Variants in EDARADD observed in about 807,000 individuals in gnomAD.
EDARADD encodes ectodysplasin-A receptor-associated adapter protein.
A neutral mutation model predicts 25.6 loss-of-function variants in EDARADD; 20 were observed. The observed-to-expected ratio is 0.78, with a 90% confidence interval of 0.55 to 1.14. The LOEUF (loss-of-function observed/expected upper bound fraction) is 1.14, where lower values mean the gene tolerates loss of function less well. Ranked by LOEUF, EDARADD falls within the 50% of genes most tolerant of loss-of-function variation. EDARADD has a pLI of 0.00. For synonymous variants in EDARADD, 86 were observed against 94.4 expected (o/e 0.91, Z 0.52); for missense variants, 225 against 270.1 (o/e 0.83, Z 1.17).
At chr1:236,381,975 CTTT>C (rs1463208113) in intron 3 of EDARADD, among the ~76,000 whole-genome samples, 1 of 151,560 alleles carries the variant, frequency 6.6e-6, no homozygotes, top group African/African-American at 2.4e-5. Context: ...TTATCCATGG[CTTT>C]GAGCAATATG....
At chr1:236,408,172 T>TCCAAA (rs1667771085) in intron 1 of EDARADD, among the ~76,000 whole-genome samples, 1 of 152,014 alleles carries the variant, frequency 6.6e-6, no homozygotes, top group Admixed American at 6.6e-5. Context: ...ATGGTGGGGT[T>TCCAAA]TTTTATGTAG....
chr1:236,360,030 T>C (rs600831), intron 3 of EDARADD, among the ~76,000 whole-genome samples: 52,903 of 152,006 alleles, frequency 0.35, 9,513 homozygotes, highest in African/African-American at 0.44. Flanking sequence ...ATTAAGACTG[T>C]GGGGCCAGGT....
At chr1:236,435,254 A>G (rs556375699) in intron 4 of EDARADD, among the ~76,000 whole-genome samples, 45 of 152,368 alleles carry the variant, frequency 3.0e-4, no homozygotes, top group Non-Finnish European at 5.9e-4. Flanking sequence ...AACTAGAGGA[A>G]TAGCCAGAGA....
chr1:236,396,619 C>T (rs1471716899), intron 1 of EDARADD, among the ~76,000 whole-genome samples: 2 of 151,962 alleles, frequency 1.3e-5, no homozygotes, highest in African/African-American at 2.4e-5. Flanking sequence ...GGTCAGAAGA[C>T]TACACCCAAC....
At chr1:236,351,007 T>G (rs1666909378) in intron 3 of EDARADD, among the ~76,000 whole-genome samples, 2 of 152,026 alleles carry the variant, frequency 1.3e-5, no homozygotes, top group East Asian at 1.9e-4. Flanking sequence ...CTCAAGGTAG[T>G]AGGTCCCTGC....
intron 4 of EDARADD, among the ~76,000 whole-genome samples, chr1:236,451,652 A>T (rs547080802): frequency 6.6e-6 from 1 of 152,166 alleles, no homozygotes; most frequent in African/African-American, 2.4e-5. Flanking sequence ...TGAACTCCTA[A>T]CCTCAAGTGA....
At chr1:236,454,657 C>T (rs1243851119) in intron 4 of EDARADD, among the ~76,000 whole-genome samples, 1 of 152,206 alleles carries the variant, frequency 6.6e-6, no homozygotes, top group African/African-American at 2.4e-5. Context: ...GTTCAGCCTC[C>T]TTGCTTTACA....
At chr1:236,372,898 T>G (rs1667187588) in intron 3 of EDARADD, among the ~76,000 whole-genome samples, 1 of 149,900 alleles carries the variant, frequency 6.7e-6, no homozygotes, top group African/African-American at 2.4e-5. Context: ...GGGATCATTG[T>G]GATGTCTCTT....
chr1:236,394,139 C>T (rs1012411641), upstream of EDARADD: 15 of 364,548 alleles, frequency 4.1e-5, no homozygotes, highest in East Asian at 7.3e-4. Context: ...GGGCTGCTAA[C>T]AAGCTCACTC....
Position 236,425,357 on chromosome 1 carries a change from AG to A in EDARADD, c.161-2032del, listed in dbSNP as rs1470500947. Among the ~76,000 whole-genome samples the A allele has an allele frequency of 5.9e-5, 9 of 152,288 alleles. No individual in the cohort carries two copies. The East Asian group carries it at 1.5e-3, about 26-fold the overall frequency. On this transcript the variant is annotated intron_variant, in intron 3 of 5. Transcript: ENST00000334232. ...TCAGGAGAACACATGGGCAGCAGCA[AG>A]GGAAGCAGCAGCTGAGGGGATGGGC...
At chr1:236,420,332 A>G (rs1435497153) in intron 3 of EDARADD, among the ~76,000 whole-genome samples, 1 of 152,258 alleles carries the variant, frequency 6.6e-6, no homozygotes, top group South Asian at 2.1e-4. Context: ...AAACATTTAC[A>G]TGGTGCTAAA....
intron 4 of EDARADD, among the ~76,000 whole-genome samples, chr1:236,451,614 G>A (rs561503038): frequency 6.5e-4 from 98 of 151,708 alleles, no homozygotes; most frequent in Non-Finnish European, 1.3e-3. Flanking sequence ...GTAGAGATGG[G>A]GTTTTGCCAT....
In EDARADD at chr1:236,484,644, G is replaced by A. The variant is rs759808244; in HGVS notation, c.*1995G>A. On this transcript the variant is annotated 3_prime_UTR_variant, in exon 6 of 6. Coordinates refer to ENST00000334232, the MANE Select transcript of EDARADD (RefSeq NM_145861.4). The surrounding 1 kb of genome is among the most constrained non-coding windows in gnomAD (Gnocchi z 4.1). The stretch of plus-strand genomic sequence containing the variant: ...TTCCTTAGAACTTCTACAGAAGCAG[G>A]TTGCAGTGAGCCGAGATTGCGCCAC... 2.0e-6 allele frequency: 1 copy of A among 509,322 alleles called. No individual in the cohort carries two copies. Among genetic ancestry groups the A allele is most frequent in the Non-Finnish European group, 3.6e-6 (1 of 280,296 alleles). The allele number at this position is 509,322 out of a possible 1,614,324, so 31.6% of individuals were successfully genotyped here.
At chr1:236,447,221 T>TTTC (rs1558127469) in intron 4 of EDARADD, among the ~76,000 whole-genome samples, 14 of 36,806 alleles carry the variant, frequency 3.8e-4, no homozygotes, top group South Asian at 1.2e-3. Flanking sequence ...TCTTTCTTTC[T>TTTC]TTCCTTTCTT....
Position 236,483,324 on chromosome 1 carries a change from A to C in EDARADD, c.*675A>C. ...GGTCCTAGAGCTCCAGGACAATGAT[A>C]AGACTCGCTATATGGGGAAGGGTGT... is the stretch of plus-strand genomic sequence containing the variant. On this transcript the variant is annotated 3_prime_UTR_variant, in exon 6 of 6. Coordinates refer to ENST00000334232, the MANE Select transcript of EDARADD (RefSeq NM_145861.4). 1 of 1,595,668 alleles carries C rather than the reference A, an allele frequency of 6.3e-7. No homozygotes were observed. Among genetic ancestry groups the C allele is most frequent in the South Asian group, 1.1e-5 (1 of 90,698 alleles).
At chr1:236,471,383 T>C (rs1251412488) in intron 5 of EDARADD, among the ~76,000 whole-genome samples, 2 of 151,592 alleles carry the variant, frequency 1.3e-5, no homozygotes, top group Non-Finnish European at 2.9e-5. Context: ...TGTGTGTGTG[T>C]GCGCGCCCCA....
upstream of EDARADD, among the ~76,000 whole-genome samples, chr1:236,392,692 A>G (rs976067788): frequency 1.4e-5 from 2 of 143,786 alleles, no homozygotes; most frequent in African/African-American, 5.2e-5. Context: ...TTATTTTGAG[A>G]TGGAGTCTCA....
Position 236,483,449 on chromosome 1 carries a change from A to C in EDARADD, c.*800A>C, listed in dbSNP as rs879187083. On this transcript the variant is annotated 3_prime_UTR_variant, in exon 6 of 6. Coordinates refer to ENST00000334232, the MANE Select transcript of EDARADD (RefSeq NM_145861.4). ...AAGAGAAGATTGACAAACTTATGAT[A>C]GAGATGGATGGAACAGAAAATAAAT... is the stretch of plus-strand genomic sequence containing the variant. 6 of 1,051,206 alleles carry C rather than the reference A, an allele frequency of 5.7e-6. No individual in the cohort carries two copies. The highest frequency in any genetic ancestry group is 1.3e-5 in the South Asian group (1 of 79,932). The allele number at this position is 1,051,206 out of a possible 1,614,324, so 65.1% of individuals were successfully genotyped here.
intron 3 of EDARADD, among the ~76,000 whole-genome samples, chr1:236,357,474 T>C (rs1666994195): frequency 6.6e-6 from 1 of 152,192 alleles, no homozygotes; most frequent in South Asian, 2.1e-4. Context: ...AGGCCATTCT[T>C]GCATTACTAT....
Sources: gnomAD v4.1 joint callset for allele counts (sites outside exome capture counted in the v4.1 genomes callset) on GRCh38, gnomAD v4.1.1 for gene constraint, Gnocchi (gnomAD v3.1) non-coding constraint, MANE v1.5 for transcripts, NCBI Gene and HGNC (gene_info 2026-07-23, HGNC 2026-07-21) for gene names.